Variants in ERC2 observed in about 807,000 individuals in gnomAD.
ERC2 encodes ELKS/RAB6-interacting/CAST family member 2.
A neutral mutation model predicts 114.8 loss-of-function variants in ERC2; 42 were observed. The observed-to-expected ratio is 0.37, with a 90% confidence interval of 0.29 to 0.47. The LOEUF (loss-of-function observed/expected upper bound fraction) is 0.47. Among genes scored for constraint, ERC2 ranks in the 20% least tolerant of loss-of-function variants. The probability of loss-of-function intolerance (pLI) is 0.99; values close to 1 mark genes in which losing one functional copy is unlikely to be tolerated. For missense variants in ERC2, 939 were observed against 1,150.7 expected (o/e 0.82, Z 2.66); for synonymous variants, 454 against 425.5 (o/e 1.07, Z -0.82).
At chr3:55,706,135 T>C (rs1028968814) in intron 15 of ERC2, among the ~76,000 whole-genome samples, 1 of 152,104 alleles carries the variant, frequency 6.6e-6, no homozygotes, top group Non-Finnish European at 1.5e-5. Flanking sequence ...GGTACATAAA[T>C]AGCCAGCATC....
chr3:55,540,643 GC>G (rs1461825031), intron 17 of ERC2, among the ~76,000 whole-genome samples: 1 of 152,132 alleles, frequency 6.6e-6, no homozygotes, highest in Admixed American at 6.5e-5. Context: ...TATTTTGGAG[GC>G]CCCTCCCAGC....
rs555130986 is a variant in ERC2, at chr3:55,627,189, C to T, written c.*39+56605G>A. ...TTCTTCAGAAATTTCTTCTTTTGGC[C>T]GGGTGTGGTGGCTCACGCCTGTAAT... On this transcript the variant is annotated intron_variant, in intron 17 of 17. Coordinates refer to ENST00000288221, the MANE Select transcript of ERC2 (RefSeq NM_015576.3). 1.1e-4 allele frequency among the ~76,000 whole-genome samples: 16 copies of T among 152,260 alleles called. No homozygotes were observed. In the South Asian group the frequency reaches 1.2e-3, roughly 12 times the overall value.
intron 14 of ERC2, among the ~76,000 whole-genome samples, chr3:55,780,735 C>T (rs368803962): frequency 2.0e-5 from 3 of 152,190 alleles, no homozygotes; most frequent in Non-Finnish European, 2.9e-5. Context: ...ACTTAATTTA[C>T]GGATGTGCCT....
intron 17 of ERC2, among the ~76,000 whole-genome samples, chr3:55,654,315 T>G (rs1263208391): frequency 6.6e-6 from 1 of 152,184 alleles, no homozygotes; most frequent in Admixed American, 6.5e-5. Flanking sequence ...ACAAATCCAG[T>G]GTTGGGTGGT....
intron 15 of ERC2, among the ~76,000 whole-genome samples, chr3:55,726,769 G>T (rs1286955791): frequency 6.6e-6 from 1 of 152,176 alleles, no homozygotes; most frequent in Non-Finnish European, 1.5e-5. Context: ...ATGGGAGGGG[G>T]ATCACAGAGA....
At chr3:55,517,446 C>CAAAAAAA (rs11309251) in intron 17 of ERC2, among the ~76,000 whole-genome samples, 1 of 90,128 alleles carries the variant, frequency 1.1e-5, no homozygotes, top group Non-Finnish European at 2.1e-5. Flanking sequence ...GACTCCGTCT[C>CAAAAAAA]AAAAAAAAAA....
intron 13 of ERC2, among the ~76,000 whole-genome samples, chr3:55,936,132 GC>G (rs941487553): frequency 1.2e-4 from 18 of 152,214 alleles, no homozygotes; most frequent in African/African-American, 4.1e-4. Flanking sequence ...ACACACTCCT[GC>G]TCTCTCCCGA....
chr3:56,103,641 T>C lies in ERC2; in HGVS notation c.1474-22657A>G, dbSNP rs1424156322. On this transcript the variant is annotated intron_variant, in intron 6 of 17. Transcript: ENST00000288221. The stretch of plus-strand genomic sequence containing the variant: ...GAGAGTGAGAGTGGCATCTAGTGGG[T>C]AGAATCCAAGGAAGTCTCCACAACA... Among the ~76,000 whole-genome samples, 6 of 152,062 alleles carry C rather than the reference T, an allele frequency of 3.9e-5. No individual in the cohort carries two copies. The South Asian group carries it at 1.2e-3, about 32-fold the overall frequency.
At chr3:56,445,731 A>G (rs1305232973) in intron 1 of ERC2, among the ~76,000 whole-genome samples, 1 of 152,014 alleles carries the variant, frequency 6.6e-6, no homozygotes, top group Non-Finnish European at 1.5e-5. Flanking sequence ...TGCTGCTCCA[A>G]TGCATCAAGT....
chr3:56,466,159 A>G (rs1464143596), intron 1 of ERC2, among the ~76,000 whole-genome samples: 1 of 152,260 alleles, frequency 6.6e-6, no homozygotes, highest in African/African-American at 2.4e-5. Context: ...TGCCTATGCA[A>G]TAACAATGAT....
chr3:56,426,996 T>TA (rs537295354), intron 2 of ERC2, among the ~76,000 whole-genome samples: 2,669 of 79,450 alleles, frequency 0.034, 119 homozygotes, highest in African/African-American at 0.082. Context: ...ACCTCATCTC[T>TA]AAAAAAAAAA....
At chr3:56,245,067 T>C (rs969942500) in intron 3 of ERC2, among the ~76,000 whole-genome samples, 32 of 152,150 alleles carry the variant, frequency 2.1e-4, no homozygotes, top group African/African-American at 7.7e-4. Flanking sequence ...TAGTAGACTA[T>C]ACCACATAGG....
In ERC2 at chr3:55,950,482, T is replaced by C; in HGVS notation, c.2346A>G (p.Leu782=). ...CTTCTCGCCTGCGCACTTCTTCTAG[T>C]AACTGAGCATTTTTCTTCTTTTCCA... ...QQLEKKKNAQ[L]LEEVRRREDS... is the part of the protein sequence containing the mutation. Residue 782 remains leucine, a synonymous_variant, in exon 13 of 18, where the codon TTA becomes TTG. Transcript: ENST00000288221. 6.2e-7 allele frequency: 1 copy of C among 1,614,036 alleles called. No individual in the cohort carries two copies. Among genetic ancestry groups the C allele is most frequent in the Non-Finnish European group, 8.5e-7 (1 of 1,179,890 alleles).
chr3:55,921,982 C>T (rs901939311), intron 13 of ERC2, among the ~76,000 whole-genome samples: 1 of 152,094 alleles, frequency 6.6e-6, no homozygotes, highest in Non-Finnish European at 1.5e-5. Context: ...TAATATCAAC[C>T]CAGAGATACT....
At chr3:56,027,424 T>C (rs1187555150) in intron 7 of ERC2, among the ~76,000 whole-genome samples, 1 of 152,248 alleles carries the variant, frequency 6.6e-6, no homozygotes, top group Non-Finnish European at 1.5e-5. Context: ...TTTACCATTT[T>C]AATTCTCATC....
intron 3 of ERC2, among the ~76,000 whole-genome samples, chr3:56,190,181 C>T (rs2083898544): frequency 6.6e-6 from 1 of 152,174 alleles, no homozygotes; most frequent in African/African-American, 2.4e-5. Context: ...GTCCCTTCCT[C>T]CTATAAAACA....
intron 2 of ERC2, among the ~76,000 whole-genome samples, chr3:56,351,142 T>C (rs1333700276): frequency 1.3e-5 from 2 of 152,054 alleles, no homozygotes; most frequent in African/African-American, 4.8e-5. Flanking sequence ...CTAGGTAAAC[T>C]AACAACCCCA....
In ERC2 at chr3:56,434,679, G is replaced by T. The variant is rs949165013; in HGVS notation, c.329C>A (p.Ser110Tyr). 1.2e-6 allele frequency: 2 copies of T among 1,613,974 alleles called. No homozygotes were observed. The highest frequency in any genetic ancestry group is 1.7e-6 in the Non-Finnish European group (2 of 1,179,880). The change falls in exon 2 of 18, where the codon TCC becomes TAC. Residue 110 changes from serine (S) to tyrosine (Y), a missense_variant. Around this residue, in one of 5 missense-constraint regions of ERC2, gnomAD observed 281 missense variants for 307.4 expected, o/e 0.91. Transcript: ENST00000288221. ...SSPNIASAGL[S>Y]HTDVLSYTDQ... ...TGTGTATGAAAGGACATCTGTGTGGGAAAGTCCAGCAGAAGCAATATTGGG... is the reference window on the plus strand; with the variant it reads ...TGTGTATGAAAGGACATCTGTGTGGTAAAGTCCAGCAGAAGCAATATTGGG...
At chr3:55,671,252 A>G (rs2061545918) in intron 17 of ERC2, among the ~76,000 whole-genome samples, 2 of 151,716 alleles carry the variant, frequency 1.3e-5, no homozygotes, top group African/African-American at 4.8e-5. Context: ...AAAGAAACCC[A>G]CTCTCTTCTC....
Sources: allele counts gnomAD v4.1 joint callset (sites outside exome capture counted in the v4.1 genomes callset), GRCh38; gene constraint gnomAD v4.1.1; regional missense constraint gnomAD v4.1.1; transcripts MANE v1.5; gene names NCBI Gene and HGNC (gene_info 2026-07-23, HGNC 2026-07-21).